CHRNA7: variants seen among roughly 807,000 people sequenced by gnomAD.
The protein encoded by CHRNA7 is neuronal acetylcholine receptor subunit alpha-7.
Under a neutral mutation model 48.0 loss-of-function variants are expected in CHRNA7, and 17 were observed. That is an observed-to-expected ratio of 0.35 (90% CI 0.24 to 0.53). The LOEUF is 0.53. Among genes scored for constraint, CHRNA7 ranks in the 20% least tolerant of loss-of-function variants. The probability of loss-of-function intolerance (pLI) is 0.92; values close to 1 mark genes in which losing one functional copy is unlikely to be tolerated. For missense variants in CHRNA7, 155 were observed against 577.7 expected (o/e 0.27, Z 7.50); for synonymous variants, 75 against 242.3 (o/e 0.31, Z 6.41).
At chr15:32,140,499 G>C (rs1390558266) in intron 4 of CHRNA7, among the ~76,000 whole-genome samples, 1 of 152,152 alleles carries the variant, frequency 6.6e-6, no homozygotes, top group Non-Finnish European at 1.5e-5. Context: ...ATCTTCCACT[G>C]TCTTCCACAA....
At chr15:32,111,008 G>T (rs1457886386) in intron 3 of CHRNA7, among the ~76,000 whole-genome samples, 2 of 152,244 alleles carry the variant, frequency 1.3e-5, no homozygotes, top group African/African-American at 4.8e-5. Context: ...GGGTGGTGCT[G>T]GTTATGTGGC....
chr15:32,124,445 A>G (rs1052945671), intron 4 of CHRNA7, among the ~76,000 whole-genome samples: 3 of 152,378 alleles, frequency 2.0e-5, no homozygotes, highest in Admixed American at 2.0e-4. Flanking sequence ...AGAAAGGGTA[A>G]GTATGCTTAC....
chr15:32,148,904 C>G (rs1205057305), intron 4 of CHRNA7, among the ~76,000 whole-genome samples: 2 of 152,242 alleles, frequency 1.3e-5, no homozygotes, highest in African/African-American at 4.8e-5. Flanking sequence ...GGAGCTCTGG[C>G]TATCCTTTAA....
At chr15:32,119,310 C>T (rs2050926600) in intron 4 of CHRNA7, among the ~76,000 whole-genome samples, 1 of 152,174 alleles carries the variant, frequency 6.6e-6, no homozygotes, top group Non-Finnish European at 1.5e-5. Context: ...TTCCTGGTTC[C>T]TTCCTTCATT....
rs1414762832 is a variant in CHRNA7, at chr15:32,047,849, A to G, written c.195+16812A>G. ...TATTATTTTGAGATACATCCCATCA[A>G]TACCTAATTTATTGAGAGTTTTTAG... is the stretch of plus-strand genomic sequence containing the variant. On this transcript the variant is annotated intron_variant, in intron 2 of 9. Transcript: ENST00000306901. Among the ~76,000 whole-genome samples, 4 of 152,306 alleles carry G rather than the reference A, an allele frequency of 2.6e-5. 1 individual carries two copies. The highest frequency in any genetic ancestry group is 7.2e-5 in the African/African-American group (3 of 41,564).
At position 32,035,193 on chromosome 15, in the gene CHRNA7, T is replaced by A. The variant is rs28522500; in HGVS notation, c.195+4156T>A. Among the ~76,000 whole-genome samples the A allele has an allele frequency of 2.0e-5, 3 of 152,252 alleles. No individual in the cohort carries two copies. The East Asian group carries it at 5.8e-4, about 29-fold the overall frequency. ...ACTGGGCTGGGAATGAGATAATACA[T>A]AAGAAATCATTTTGAAGTGATGCAT... On this transcript the variant is annotated intron_variant, in intron 2 of 9. Coordinates refer to ENST00000306901, the MANE Select transcript of CHRNA7 (RefSeq NM_000746.6).
intron 2 of CHRNA7, among the ~76,000 whole-genome samples, chr15:32,046,791 T>C (rs2049556667): frequency 6.6e-6 from 1 of 152,050 alleles, no homozygotes; most frequent in African/African-American, 2.4e-5. Flanking sequence ...TCTAGGGTTT[T>C]TATGGTTTTA....
rs2052230722 is a variant in CHRNA7, at chr15:32,167,483, T to C, written c.991-457T>C. 3 of 146,816 alleles carry C rather than the reference T, an allele frequency of 2.0e-5. 1 individual carries two copies. 9.1% of individuals were successfully genotyped at this position (146,816 alleles called of 1,614,324 possible). A position where few individuals can be genotyped will look rare whatever the true frequency, so the allele number is the denominator to read the frequency against. On this transcript the variant is annotated intron_variant, in intron 9 of 9. Transcript: ENST00000306901. Reference sequence around the variant, plus strand: ...CTGGTGTCTCATGGATATCCTGGGATTGCATTTGAAAATGTACAACCTCCC... The same window carrying C: ...CTGGTGTCTCATGGATATCCTGGGACTGCATTTGAAAATGTACAACCTCCC...
intron 9 of CHRNA7, chr15:32,166,343 T>C (rs1374311382): frequency 6.6e-6 from 1 of 152,216 alleles, no homozygotes; most frequent in Non-Finnish European, 1.5e-5. Flanking sequence ...ATGTCCCTGC[T>C]CCTTACTGAT....
chr15:32,086,428 T>C (rs1416739252), intron 2 of CHRNA7, among the ~76,000 whole-genome samples: 1 of 151,330 alleles, frequency 6.6e-6, no homozygotes, highest in Non-Finnish European at 1.5e-5. Flanking sequence ...CTTTAACAGC[T>C]ATCTTTAAAG....
intron 3 of CHRNA7, among the ~76,000 whole-genome samples, chr15:32,109,312 C>T (rs1008405302): frequency 2.6e-5 from 4 of 152,116 alleles, no homozygotes; most frequent in African/African-American, 9.7e-5. Flanking sequence ...AGAGGTCACT[C>T]TCGTGGCCAT....
intron 4 of CHRNA7, among the ~76,000 whole-genome samples, chr15:32,137,782 A>G (rs1193349400): frequency 6.6e-6 from 1 of 152,258 alleles, no homozygotes; most frequent in Admixed American, 6.5e-5. Context: ...TCACATATGT[A>G]TAGGAATGCA....
chr15:32,153,657 TAC>T, intron 4 of CHRNA7: 2 of 631,426 alleles, frequency 3.2e-6, no homozygotes, highest in Non-Finnish European at 5.7e-6. Flanking sequence ...TGGTTTTATA[TAC>T]ATTGTGAGAA....
chr15:32,073,194 A>T lies in CHRNA7; in HGVS notation c.196-28109A>T, dbSNP rs2050085185. On this transcript the variant is annotated intron_variant, in intron 2 of 9. Transcript: ENST00000306901. ...GGGAGCTCACCTCTCACAACAGTGTACCCAGGATGCGGGACATGGAGTCAA... is the reference window on the plus strand; with the variant it reads ...GGGAGCTCACCTCTCACAACAGTGTTCCCAGGATGCGGGACATGGAGTCAA... 2.0e-5 allele frequency among the ~76,000 whole-genome samples: 3 copies of T among 152,294 alleles called. No homozygotes were observed. The South Asian group carries it at 6.2e-4, about 32-fold the overall frequency.
chr15:32,108,642 G>T (rs1474443358), intron 3 of CHRNA7, among the ~76,000 whole-genome samples: 1 of 152,150 alleles, frequency 6.6e-6, no homozygotes, highest in Middle Eastern at 3.2e-3. Context: ...ACAGCATGAG[G>T]TTCCCACTGC....
intron 4 of CHRNA7, among the ~76,000 whole-genome samples, chr15:32,118,870 C>CTT (rs2050917211): frequency 6.6e-6 from 1 of 151,668 alleles, no homozygotes; most frequent in African/African-American, 2.4e-5. Flanking sequence ...GACCAGGAGA[C>CTT]AGACTAGAGG....
At chr15:32,081,268 C>T (rs1197703266) in intron 2 of CHRNA7, among the ~76,000 whole-genome samples, 1 of 152,018 alleles carries the variant, frequency 6.6e-6, no homozygotes, top group East Asian at 1.9e-4. Context: ...CAAACCTGCA[C>T]ATGTATCCCG....
intron 2 of CHRNA7, among the ~76,000 whole-genome samples, chr15:32,044,461 A>G (rs1357853768): frequency 6.6e-6 from 1 of 152,134 alleles, no homozygotes; most frequent in Non-Finnish European, 1.5e-5. Flanking sequence ...TATTTTTAGT[A>G]GAGACAGGTT....
chr15:32,104,075 A>G (rs553912440), intron 3 of CHRNA7, among the ~76,000 whole-genome samples: 47 of 152,220 alleles, frequency 3.1e-4, no homozygotes, highest in Non-Finnish European at 5.6e-4. Flanking sequence ...AGCAGCCAGC[A>G]TATACCTTCT....
Sources: gnomAD v4.1 joint callset for allele counts (sites outside exome capture counted in the v4.1 genomes callset) on GRCh38, gnomAD v4.1.1 for gene constraint, MANE v1.5 for transcripts, NCBI Gene and HGNC (gene_info 2026-07-23, HGNC 2026-07-21) for gene names.